NDRG3: variants seen among roughly 807,000 people sequenced by gnomAD.
The protein encoded by NDRG3 is protein NDRG3.
A neutral mutation model predicts 57.2 loss-of-function variants in NDRG3; 23 were observed. That is an observed-to-expected ratio of 0.40 (90% CI 0.29 to 0.57). The LOEUF (loss-of-function observed/expected upper bound fraction) is 0.57, where lower values mean the gene tolerates loss of function less well. Ranked by LOEUF, NDRG3 falls within the 20% of genes least tolerant of loss-of-function variation. The pLI is 0.42. For synonymous variants in NDRG3, 132 were observed against 162.6 expected (o/e 0.81, Z 1.43); for missense variants, 384 against 457.3 (o/e 0.84, Z 1.46).
chr20:36,716,161 T>TAG (rs1205065717), intron 2 of NDRG3, among the ~76,000 whole-genome samples: 6 of 152,238 alleles, frequency 3.9e-5, no homozygotes, highest in African/African-American at 1.4e-4. Context: ...CTCCCTCCTC[T>TAG]AGTTCTAACA....
At chr20:36,727,548 CTT>C (rs753248188) in intron 1 of NDRG3, among the ~76,000 whole-genome samples, 1 of 138,186 alleles carries the variant, frequency 7.2e-6, no homozygotes. Flanking sequence ...CTTTTCTTTT[CTT>C]TTTTTTTTTT....
At chr20:36,686,684 A>G (rs1981810231) in intron 5 of NDRG3, among the ~76,000 whole-genome samples, 1 of 152,210 alleles carries the variant, frequency 6.6e-6, no homozygotes, top group South Asian at 2.1e-4. Flanking sequence ...AGAGTGCCAA[A>G]GCCAATCAAT....
rs1352737755 is a variant in NDRG3, at chr20:36,745,620, G to A, written c.-49+425C>T. ...GCTCTGGGGCCGGACGGGTGCAAGG[G>A]CTGCTCACGGCCCCTCTTCCAAGCA... On this transcript the variant is annotated intron_variant, in intron 1 of 15. Transcript: ENST00000349004. Among the ~76,000 whole-genome samples, 4 of 152,250 alleles carry A rather than the reference G, an allele frequency of 2.6e-5. No individual in the cohort carries two copies. The East Asian group carries it at 7.7e-4, about 29-fold the overall frequency.
intron 2 of NDRG3, among the ~76,000 whole-genome samples, chr20:36,712,723 G>C (rs182038136): frequency 0.013 from 1,958 of 147,438 alleles, 36 homozygotes; most frequent in African/African-American, 0.046. Flanking sequence ...AGCCTCCAGA[G>C]TAGCTGGGAT....
intron 1 of NDRG3, among the ~76,000 whole-genome samples, chr20:36,732,114 C>G (rs1985323136): frequency 6.6e-6 from 1 of 152,110 alleles, no homozygotes; most frequent in African/African-American, 2.4e-5. Flanking sequence ...GAGTGAGACC[C>G]TGTCTCAAAC....
intron 1 of NDRG3, among the ~76,000 whole-genome samples, chr20:36,733,882 G>A (rs1413330145): frequency 6.6e-6 from 1 of 152,122 alleles, no homozygotes; most frequent in Non-Finnish European, 1.5e-5. Context: ...TAAGCAAACA[G>A]ATTCACATCC....
chr20:36,744,968 G>GA (rs1491548824), intron 1 of NDRG3, among the ~76,000 whole-genome samples: 2 of 31,314 alleles, frequency 6.4e-5, no homozygotes, highest in East Asian at 4.5e-4. Context: ...GCCAGGGTAA[G>GA]GGGGGGGGGG....
chr20:36,704,066 T>C (rs1397979784), intron 3 of NDRG3, among the ~76,000 whole-genome samples: 1 of 152,084 alleles, frequency 6.6e-6, no homozygotes, highest in African/African-American at 2.4e-5. Context: ...TATATTCTAA[T>C]TTTTTCTCTT....
rs1363884803 is a variant in NDRG3, at chr20:36,660,360, G to A, written c.835C>T (p.Pro279Ser). The A allele has an allele frequency of 1.2e-6, 2 of 1,607,830 alleles. No homozygotes were observed. The highest frequency in any genetic ancestry group is 1.7e-5 in the Admixed American group (1 of 59,752). Residue 279 changes from proline to serine, a missense_variant, in exon 13 of 16, where the codon CCT becomes TCT. Pro to Ser is a moderately conservative substitution (Grantham distance 74). Coordinates refer to ENST00000349004, the MANE Select transcript of NDRG3 (RefSeq NM_032013.4). ...ACCTTTAGCAAAGTTGTATTTATAG[G>A]GTTCAGGCGGGAATTGCATTCGACC... is the stretch of plus-strand genomic sequence containing the variant. ...AVVECNSRLN[P>S]INTTLLKMAD...
intron 7 of NDRG3, among the ~76,000 whole-genome samples, chr20:36,682,266 G>A (rs1433401924): frequency 2.6e-5 from 4 of 152,014 alleles, no homozygotes; most frequent in Non-Finnish European, 4.4e-5. Flanking sequence ...AATTTTAATG[G>A]CCGCACAAAA....
chr20:36,733,635 T>C (rs1191922412), intron 1 of NDRG3, among the ~76,000 whole-genome samples: 1 of 151,004 alleles, frequency 6.6e-6, no homozygotes, highest in East Asian at 1.9e-4. Flanking sequence ...AGGCAGAGCT[T>C]GCAGTGAGCC....
chr20:36,701,628 A>G lies in NDRG3; in HGVS notation c.93+5344T>C, dbSNP rs140889810. Among the ~76,000 whole-genome samples, 963 of 148,630 alleles carry G rather than the reference A, an allele frequency of 6.5e-3. 12 individuals carry two copies. Among genetic ancestry groups the G allele is most frequent in the African/African-American group, 0.022 (904 of 40,290 alleles). ...AATGGTGCGATCTCAGCCCACCACA[A>G]CCTCCGCCTCCTGGGTTCAAGCAAT... is the stretch of plus-strand genomic sequence containing the variant. On this transcript the variant is annotated intron_variant, in intron 3 of 15. Coordinates refer to ENST00000349004, the MANE Select transcript of NDRG3 (RefSeq NM_032013.4).
intron 3 of NDRG3, among the ~76,000 whole-genome samples, chr20:36,695,613 G>A (rs934881445): frequency 7.7e-4 from 117 of 152,246 alleles, no homozygotes; most frequent in African/African-American, 2.7e-3. Context: ...CTCCTGCAGC[G>A]CCCCCAGGCT....
chr20:36,687,647 C>T, intron 4 of NDRG3, 35 bp from the exon 5 acceptor site: 1 of 1,595,352 alleles, frequency 6.3e-7, no homozygotes. Context: ...GTCACAGGCT[C>T]TCCATATCGC....
intron 1 of NDRG3, among the ~76,000 whole-genome samples, chr20:36,735,747 G>C (rs1485762379): frequency 6.6e-6 from 1 of 152,076 alleles, no homozygotes; most frequent in Non-Finnish European, 1.5e-5. Flanking sequence ...CCAGCACTTT[G>C]GGAGGCTGAG....
intron 1 of NDRG3, among the ~76,000 whole-genome samples, chr20:36,738,202 T>C (rs1985706737): frequency 6.6e-6 from 1 of 152,154 alleles, no homozygotes; most frequent in Non-Finnish European, 1.5e-5. Flanking sequence ...AAAGTTATAT[T>C]TTAGTGAACA....
rs1159361466 is a variant in NDRG3 at position 36,690,830 on chromosome 20, G to C, written c.94-2046C>G. ...ATGCACCGAGCAAAGCTCAGGAACCGAATAGAGCAGACAAAAGATGCACCG... is the reference window on the plus strand; with the variant it reads ...ATGCACCGAGCAAAGCTCAGGAACCCAATAGAGCAGACAAAAGATGCACCG... On this transcript the variant is annotated intron_variant, in intron 3 of 15. Transcript: ENST00000349004. 1.6e-3 allele frequency among the ~76,000 whole-genome samples: 190 copies of C among 119,176 alleles called. No homozygotes were observed. The Middle Eastern group carries it at 0.02, about 12-fold the overall frequency. 78.2% of individuals were successfully genotyped at this position (119,176 alleles called of 152,430 possible).
rs569065969 is a variant in NDRG3, at chr20:36,703,421, C to CCCATCTATCTATCTAT, written c.93+3550_93+3551insATAGATAGATAGATGG. Among the ~76,000 whole-genome samples the CCCATCTATCTATCTAT allele has an allele frequency of 3.0e-3, 437 of 147,014 alleles. 2 individuals are homozygous for CCCATCTATCTATCTAT. The highest frequency in any genetic ancestry group is 0.011 in the African/African-American group (428 of 39,808). On this transcript the variant is annotated intron_variant, in intron 3 of 15. Coordinates refer to ENST00000349004, the MANE Select transcript of NDRG3 (RefSeq NM_032013.4). ...CTCTAAATATATATATATGTAATAT[C>CCCATCTATCTATCTAT]CTATCTATCTATCTATCTATCTATC... is the stretch of plus-strand genomic sequence containing the variant.
chr20:36,715,513 T>G lies in NDRG3; in HGVS notation c.57+6166A>C, dbSNP rs555045058. On this transcript the variant is annotated intron_variant, in intron 2 of 15. Transcript: ENST00000349004. ...CTTTTCTCTCTCTCCCCCTAGGTTT[T>G]TTTTTTTTTTAAACAACCTTGGAGC... Among the ~76,000 whole-genome samples, 3 of 152,048 alleles carry G rather than the reference T, an allele frequency of 2.0e-5. No individual in the cohort carries two copies. The East Asian group carries it at 5.8e-4, about 29-fold the overall frequency.
Sources: gnomAD v4.1 joint callset for allele counts (sites outside exome capture counted in the v4.1 genomes callset) on GRCh38, gnomAD v4.1.1 for gene constraint, MANE v1.5 for transcripts, NCBI Gene and HGNC (gene_info 2026-07-23, HGNC 2026-07-21) for gene names.